Variants in TEKT5 observed in about 807,000 individuals in gnomAD.
The protein encoded by TEKT5 is tektin 5, also known as tektin-5.
TEKT5 carries 52 observed loss-of-function variants against 48.7 expected under a neutral mutation model. The ratio of observed to expected loss-of-function variants is 1.07; its 90% CI spans 0.86 to 1.35. The LOEUF (loss-of-function observed/expected upper bound fraction) is 1.35. TEKT5 is among the 40% of genes most tolerant of loss of function. The pLI, the probability that TEKT5 is intolerant of heterozygous loss-of-function variation, is 0.00. For missense variants in TEKT5, 831 were observed against 641.6 expected (o/e 1.30, Z -3.19); for synonymous variants, 318 against 267.6 (o/e 1.19, Z -1.84).
chr16:10,691,112 G>C (rs1229278060), intron 1 of TEKT5, among the ~76,000 whole-genome samples: 2 of 152,204 alleles, frequency 1.3e-5, no homozygotes, highest in Non-Finnish European at 2.9e-5. Flanking sequence ...GGGAAGCCAA[G>C]GTGGGAGGAT....
chr16:10,677,733 G>A lies in TEKT5; in HGVS notation c.864-1552C>T, dbSNP rs1898673152. ...AAAGGAGGAACCATGGTTGACCAGTGTGTCTGGGAGGGAGGTAGCAGGAGA... is the reference window on the plus strand; with the variant it reads ...AAAGGAGGAACCATGGTTGACCAGTATGTCTGGGAGGGAGGTAGCAGGAGA... On this transcript the variant is annotated intron_variant, in intron 4 of 6. Coordinates refer to ENST00000283025, the MANE Select transcript of TEKT5 (RefSeq NM_144674.2). Among the ~76,000 whole-genome samples, 2 of 152,192 alleles carry A rather than the reference G, an allele frequency of 1.3e-5. 1 individual carries two copies. The highest frequency in any genetic ancestry group is 4.8e-5 in the African/African-American group (2 of 41,438).
chr16:10,651,593 G>C (rs1423835545), intron 5 of TEKT5, among the ~76,000 whole-genome samples: 1 of 152,168 alleles, frequency 6.6e-6, no homozygotes, highest in South Asian at 2.1e-4. Context: ...GCATATATTA[G>C]TCAATTAGTG....
intron 3 of TEKT5, among the ~76,000 whole-genome samples, chr16:10,683,659 C>T (rs1373870619): frequency 6.6e-6 from 1 of 152,186 alleles, no homozygotes; most frequent in African/African-American, 2.4e-5. Flanking sequence ...GGCACGATCT[C>T]AGCTCACTGC....
intron 5 of TEKT5, among the ~76,000 whole-genome samples, chr16:10,659,427 T>G (rs1898322183): frequency 1.3e-5 from 2 of 152,246 alleles, no homozygotes; most frequent in Non-Finnish European, 2.9e-5. Flanking sequence ...TCACACAGGC[T>G]GGAGTGCAGT....
At position 10,662,345 on chromosome 16, in the gene TEKT5, G is replaced by C. The variant is rs181163789; in HGVS notation, c.1086+13614C>G. 5.6e-3 allele frequency among the ~76,000 whole-genome samples: 860 copies of C among 152,312 alleles called. 5 individuals carry two copies. Among genetic ancestry groups the C allele is most frequent in the Middle Eastern group, 0.014 (4 of 294 alleles). On this transcript the variant is annotated intron_variant, in intron 5 of 6. Transcript: ENST00000283025. ...GTTGTCATAAGGCTGGGTGGAGGTG[G>C]GGGAAGTGTCCCTATTAACCTGAAG...
At chr16:10,685,512 G>A (rs1424851827) in intron 3 of TEKT5, among the ~76,000 whole-genome samples, 1 of 152,040 alleles carries the variant, frequency 6.6e-6, no homozygotes, top group Admixed American at 6.6e-5. Flanking sequence ...GGCCAGACTG[G>A]TCTCGAACTC....
At chr16:10,660,661 C>CTCTGTG (rs1378016812) in intron 5 of TEKT5, among the ~76,000 whole-genome samples, 1 of 144,304 alleles carries the variant, frequency 6.9e-6, no homozygotes, top group East Asian at 2.0e-4. Context: ...GAGTGCAAGG[C>CTCTGTG]TGTGTGTGTG....
rs1474222886 is a variant in TEKT5, at chr16:10,694,563, C to T, written c.311G>A (p.Gly104Glu). The T allele has an allele frequency of 6.2e-7, 1 of 1,602,914 alleles. No individual in the cohort carries two copies. Among genetic ancestry groups the T allele is most frequent in the South Asian group, 1.1e-5 (1 of 89,136 alleles). Reference sequence around the variant, plus strand: ...GGCCCACAGCCGGGAGGCCTCGGCCCCACGCACCTGCAGCTGGTTGGACTG... The same window carrying T: ...GGCCCACAGCCGGGAGGCCTCGGCCTCACGCACCTGCAGCTGGTTGGACTG... ...WDQSNQLQVRGAEASRLWASR... is the reference protein window; with the variant it reads ...WDQSNQLQVREAEASRLWASR... The change falls in exon 1 of 7, where the codon GGG (glycine) becomes GAG (glutamate). Residue 104 changes from glycine to glutamate, a missense_variant. Transcript: ENST00000283025.
At chr16:10,684,072 C>T (rs1411324861) in intron 3 of TEKT5, among the ~76,000 whole-genome samples, 1 of 148,782 alleles carries the variant, frequency 6.7e-6, no homozygotes, top group Non-Finnish European at 1.5e-5. Flanking sequence ...AGGTTCTAAG[C>T]CTGGACCTTT....
At chr16:10,679,725 T>A (rs1006303742) in intron 4 of TEKT5, among the ~76,000 whole-genome samples, 16 of 151,768 alleles carry the variant, frequency 1.1e-4, no homozygotes, top group African/African-American at 3.6e-4. Context: ...AGAAACCCCA[T>A]CTCTATTAAA....
chr16:10,636,950 G>C (rs956732134), intron 5 of TEKT5, among the ~76,000 whole-genome samples: 1 of 149,768 alleles, frequency 6.7e-6, no homozygotes, highest in Non-Finnish European at 1.5e-5. Context: ...CCAAGTAGCT[G>C]GGATTACAGG....
chr16:10,672,755 C>G (rs1349400037), intron 5 of TEKT5, among the ~76,000 whole-genome samples: 2 of 152,108 alleles, frequency 1.3e-5, no homozygotes, highest in East Asian at 3.9e-4. Flanking sequence ...ATCACAGCCA[C>G]TAGCACAAAC....
rs1898100278 is a variant in TEKT5 at position 10,648,206 on chromosome 16, G to C, written c.1087-12288C>G. ...AGGCACACACAACCATTTATCAAGA[G>C]TTTACTCCAGGCCAGGTCCTGCGCC... On this transcript the variant is annotated intron_variant, in intron 5 of 6. Coordinates refer to ENST00000283025, the MANE Select transcript of TEKT5 (RefSeq NM_144674.2). Among the ~76,000 whole-genome samples the C allele has an allele frequency of 2.6e-5, 4 of 152,270 alleles. No homozygotes were observed. In the South Asian group the frequency reaches 8.3e-4, roughly 32 times the overall value.
chr16:10,627,977 T>C (rs1372929065), intron 6 of TEKT5, among the ~76,000 whole-genome samples, 178 bp from the exon 7 acceptor site: 1 of 151,980 alleles, frequency 6.6e-6, no homozygotes, highest in Non-Finnish European at 1.5e-5. Context: ...GTAGCTGGGA[T>C]TACGGGCATG....
intron 1 of TEKT5, chr16:10,690,580 C>G: frequency 2.2e-5 from 22 of 985,408 alleles, no homozygotes; most frequent in Non-Finnish European, 2.7e-5. Context: ...ACTGAGAACA[C>G]TGCCCCTAAA....
intron 5 of TEKT5, among the ~76,000 whole-genome samples, chr16:10,671,380 C>A (rs1307364691): frequency 6.6e-6 from 1 of 152,162 alleles, no homozygotes; most frequent in Non-Finnish European, 1.5e-5. Context: ...AAGATGGACG[C>A]CACCAAGTCT....
chr16:10,657,618 C>T (rs1356316744), intron 5 of TEKT5, among the ~76,000 whole-genome samples: 1 of 148,234 alleles, frequency 6.7e-6, no homozygotes, highest in African/African-American at 2.5e-5. Context: ...GAGATGGAGT[C>T]TCGCTCAGTC....
At chr16:10,633,304 T>A (rs1221087194) in intron 6 of TEKT5, among the ~76,000 whole-genome samples, 1 of 151,934 alleles carries the variant, frequency 6.6e-6, no homozygotes, top group Non-Finnish European at 1.5e-5. Flanking sequence ...GAGGTTGCAG[T>A]GAGCCAAGAT....
chr16:10,657,132 TTC>T (rs572535673), intron 5 of TEKT5, among the ~76,000 whole-genome samples: 3,802 of 136,244 alleles, frequency 0.028, 128 homozygotes, highest in East Asian at 0.18. Context: ...TTTTTTTTTT[TTC>T]TTTTTTTTGA....
Sources: gnomAD v4.1 joint callset for allele counts (sites outside exome capture counted in the v4.1 genomes callset) on GRCh38, gnomAD v4.1.1 for gene constraint, MANE v1.5 for transcripts, NCBI Gene and HGNC (gene_info 2026-07-23, HGNC 2026-07-21) for gene names.